ACOT11: variants seen among roughly 807,000 people sequenced by gnomAD.
ACOT11 encodes the protein acyl-coenzyme A thioesterase 11.
ACOT11 carries 69 observed loss-of-function variants against 77.5 expected under a neutral mutation model. The ratio of observed to expected loss-of-function variants is 0.89; its 90% CI spans 0.73 to 1.09. ACOT11 has a LOEUF of 1.09. ACOT11 is among the 50% of genes least tolerant of loss of function. The pLI is 0.00. For missense variants in ACOT11, 766 were observed against 813.7 expected (o/e 0.94, Z 0.71); for synonymous variants, 279 against 313.0 (o/e 0.89, Z 1.15).
chr1:54,623,362 C>T (rs200005850), intron 15 of ACOT11: 4 of 1,614,000 alleles, frequency 2.5e-6, no homozygotes, highest in Non-Finnish European at 2.5e-6. Flanking sequence ...ACCCACTTGA[C>T]CTGATTCTTT....
Position 54,594,674 on chromosome 1 carries a change from A to G in ACOT11, c.590A>G (p.Asn197Ser), listed in dbSNP as rs750819709. 1.2e-6 allele frequency: 2 copies of G among 1,613,540 alleles called. No individual in the cohort carries two copies. Among genetic ancestry groups the G allele is most frequent in the Non-Finnish European group, 1.7e-6 (2 of 1,179,676 alleles). Residue 197 changes from asparagine (N) to serine (S), a missense_variant, in exon 6 of 16, where the codon AAC (asparagine) becomes AGC (serine). Physicochemically the swap from Asn to Ser is conservative, Grantham distance 46. Transcript: ENST00000343744. ...YADTIKDLLA[N>S]CAIQGDLESR... ...GACACCATCAAGGACCTCCTGGCCA[A>G]CTGCGCCATTCAGGGCGGTGAGCAG...
At chr1:54,590,048 A>G (rs1654651614) in intron 3 of ACOT11, among the ~76,000 whole-genome samples, 1 of 151,890 alleles carries the variant, frequency 6.6e-6, no homozygotes, top group African/African-American at 2.4e-5. Flanking sequence ...AGATAGTGCC[A>G]TAGCACTCCA....
At chr1:54,614,951 T>C (rs201332407), downstream of ACOT11, 18 of 1,281,060 alleles carry the variant, frequency 1.4e-5, no homozygotes, top group East Asian at 4.8e-5. Flanking sequence ...TGTGTGTGTG[T>C]GTGCATGTGC....
chr1:54,611,738 G>A, downstream of ACOT11: 1 of 1,614,126 alleles, frequency 6.2e-7, no homozygotes, highest in South Asian at 1.1e-5. Context: ...CACAGCGTCA[G>A]GCTGTACCTG....
downstream of ACOT11, chr1:54,612,588 T>C: frequency 6.2e-7 from 1 of 1,614,036 alleles, no homozygotes; most frequent in Non-Finnish European, 8.5e-7. Flanking sequence ...TCCCACCAGC[T>C]CGTGCATCTT....
chr1:54,580,201 G>A lies in ACOT11; in HGVS notation c.34-4454G>A, dbSNP rs550241170. Among the ~76,000 whole-genome samples, 7 of 152,262 alleles carry A rather than the reference G, an allele frequency of 4.6e-5. No homozygotes were observed. In the South Asian group the frequency reaches 1.5e-3, roughly 32 times the overall value. On this transcript the variant is annotated intron_variant, in intron 1 of 15. Transcript: ENST00000343744. ...GGAATTGGACTTGAACCCAAGCTAG[G>A]CTGACCCCCAAGGCCTGTGCACAGC... is the stretch of plus-strand genomic sequence containing the variant.
chr1:54,607,911 CCT>C lies in ACOT11; in HGVS notation c.1503-30_1503-29del. 1 of 1,613,144 alleles carries C rather than the reference CCT, an allele frequency of 6.2e-7. No individual in the cohort carries two copies. Among genetic ancestry groups the C allele is most frequent in the Middle Eastern group, 1.7e-4 (1 of 6,044 alleles). On this transcript the variant is annotated intron_variant, in intron 14 of 15. Coordinates refer to ENST00000343744, the MANE Select transcript of ACOT11 (RefSeq NM_147161.4). This position sits in a 1 kb window ranked among gnomAD's most constrained non-coding sequence, Gnocchi z 4.5. ...CCCCCACTTTCTTCTGTGGCTGACC[CCT>C]GTCCCCTTGCTACCCTTCCTTCACT...
At chr1:54,619,822 TC>T in intron 15 of ACOT11, 1 of 1,603,546 alleles carries the variant, frequency 6.2e-7, no homozygotes, top group Non-Finnish European at 8.5e-7. Context: ...GTCTTCTCTA[TC>T]CCTTGCCCTG....
At chr1:54,620,112 C>T in intron 15 of ACOT11, 1 of 1,230,458 alleles carries the variant, frequency 8.1e-7, no homozygotes. Flanking sequence ...TGTCCAGTAC[C>T]CCATCTGGCA....
At position 54,609,971 on chromosome 1, in the gene ACOT11, T is replaced by C. The variant is rs886123305; in HGVS notation, c.*859T>C. 9 of 1,585,548 alleles carry C rather than the reference T, an allele frequency of 5.7e-6. No individual in the cohort carries two copies. The African/African-American group carries it at 1.1e-4, about 19-fold the overall frequency. On this transcript the variant is annotated 3_prime_UTR_variant, in exon 16 of 16. Transcript: ENST00000343744. ...AAGAGGCGGCAGAGGCAACAGTGTT[T>C]AGGATTTGGGTTATCATAAGGTGTT... is the stretch of plus-strand genomic sequence containing the variant.
At chr1:54,574,391 A>G (rs572138556) in intron 1 of ACOT11, among the ~76,000 whole-genome samples, 10 of 152,260 alleles carry the variant, frequency 6.6e-5, no homozygotes, top group South Asian at 2.1e-4. Flanking sequence ...CTGTCTCCCT[A>G]TCTAGACCTT....
intron 15 of ACOT11, among the ~76,000 whole-genome samples, chr1:54,626,547 C>G (rs1272807075): frequency 6.6e-6 from 1 of 152,170 alleles, no homozygotes; most frequent in Non-Finnish European, 1.5e-5. Flanking sequence ...GAAATCAAGG[C>G]TTGGAGAGGT....
At chr1:54,590,151 C>T (rs763103334) in intron 3 of ACOT11, among the ~76,000 whole-genome samples, 4 of 151,242 alleles carry the variant, frequency 2.6e-5, no homozygotes, top group Non-Finnish European at 5.9e-5. Flanking sequence ...CACCAGCTCT[C>T]TGGCACCGTC....
At position 54,601,515 on chromosome 1, in the gene ACOT11, AG is replaced by A. The variant is rs964821986; in HGVS notation, c.1029+106del. On this transcript the variant is annotated intron_variant, in intron 9 of 15. Coordinates refer to ENST00000343744, the MANE Select transcript of ACOT11 (RefSeq NM_147161.4). ...AGCCCCCTACAGACCTAGAGGCGTG[AG>A]GGGCCCACCCTACCCCCGTGCTGGG... 1.2e-5 allele frequency: 18 copies of A among 1,506,456 alleles called. No homozygotes were observed. The African/African-American group carries it at 2.2e-4, about 18-fold the overall frequency. 93.3% of individuals were successfully genotyped at this position (1,506,456 alleles called of 1,614,324 possible). A position where few individuals can be genotyped will look rare whatever the true frequency, so the allele number is the denominator to read the frequency against.
At chr1:54,563,233 T>C (rs977882377) in intron 1 of ACOT11, among the ~76,000 whole-genome samples, 2 of 152,248 alleles carry the variant, frequency 1.3e-5, no homozygotes, top group African/African-American at 4.8e-5. Flanking sequence ...GTGATCCTTC[T>C]GCCTTGGCCT....
chr1:54,559,100 A>G (rs1010151660), intron 1 of ACOT11, among the ~76,000 whole-genome samples: 2 of 152,202 alleles, frequency 1.3e-5, no homozygotes. Context: ...CTGGGTTTGC[A>G]CACCTGGCAA....
intron 1 of ACOT11, among the ~76,000 whole-genome samples, chr1:54,551,732 G>GTTTTGTTTTTGTTTTTGT (rs200918442): frequency 1.3e-4 from 20 of 149,926 alleles, no homozygotes; most frequent in African/African-American, 4.5e-4. Context: ...TTTTTGTTTT[G>GTTTTGTTTTTGTTTTTGT]TTTTGTTTTT....
chr1:54,604,967 A>G lies in ACOT11; in HGVS notation c.1237-109A>G, dbSNP rs528846189. On this transcript the variant is annotated intron_variant, in intron 12 of 15. Coordinates refer to ENST00000343744, the MANE Select transcript of ACOT11 (RefSeq NM_147161.4). ...CAGAGAGGTTGAGCTGCGTGTTCAC[A>G]TTCACACAGCAAGTCAGCTGTAGCC... 54 of 1,213,250 alleles carry G rather than the reference A, an allele frequency of 4.5e-5. No individual in the cohort carries two copies. In the East Asian group the frequency reaches 7.3e-4, roughly 16 times the overall value. The allele number at this position is 1,213,250 out of a possible 1,614,324, so 75.2% of individuals were successfully genotyped here. A position where few individuals can be genotyped will look rare whatever the true frequency, so the allele number is the denominator to read the frequency against.
At chr1:54,614,968 A>C (rs1400016359), downstream of ACOT11, 6 of 1,077,218 alleles carry the variant, frequency 5.6e-6, no homozygotes, top group Non-Finnish European at 8.0e-6. Flanking sequence ...GTGCGTGCAC[A>C]GTGGAGTCAG....
Sources: gnomAD v4.1 joint callset for allele counts (sites outside exome capture counted in the v4.1 genomes callset) on GRCh38, gnomAD v4.1.1 for gene constraint, Gnocchi (gnomAD v3.1) non-coding constraint, MANE v1.5 for transcripts, NCBI Gene and HGNC (gene_info 2026-07-23, HGNC 2026-07-21) for gene names.